UNK: variants seen among roughly 807,000 people sequenced by gnomAD.
UNK encodes unk zinc finger, also known as RING finger protein unkempt homolog.
Under a neutral mutation model 97.6 loss-of-function variants are expected in UNK, and 32 were observed. The ratio of observed to expected loss-of-function variants is 0.33; its 90% CI spans 0.25 to 0.44. UNK has a LOEUF of 0.44. Among genes scored for constraint, UNK ranks in the 20% least tolerant of loss-of-function variants. UNK has a pLI of 1.00. For missense variants in UNK, 771 were observed against 1,098.4 expected (o/e 0.70, Z 4.21); for synonymous variants, 441 against 461.2 (o/e 0.96, Z 0.56).
At chr17:75,794,918 T>G (rs2061792578) in intron 1 of UNK, among the ~76,000 whole-genome samples, 1 of 152,246 alleles carries the variant, frequency 6.6e-6, no homozygotes, top group South Asian at 2.1e-4. Context: ...CGCCATTATT[T>G]GAACAGGGCC....
At chr17:75,807,039 C>T (rs1199323227) in intron 1 of UNK, among the ~76,000 whole-genome samples, 1 of 152,192 alleles carries the variant, frequency 6.6e-6, no homozygotes, top group Non-Finnish European at 1.5e-5. Flanking sequence ...GACATGTCTG[C>T]CCCAAGTCAG....
chr17:75,823,148 G>C, intron 14 of UNK, 117 bp from the exon 15 acceptor site: 1 of 1,468,966 alleles, frequency 6.8e-7, no homozygotes, highest in Non-Finnish European at 9.1e-7. Flanking sequence ...TCCTCCCAGA[G>C]AGCCAACCCA....
chr17:75,790,963 A>C (rs2061759092), intron 1 of UNK, among the ~76,000 whole-genome samples: 1 of 152,160 alleles, frequency 6.6e-6, no homozygotes, highest in African/African-American at 2.4e-5. Context: ...AAATAAAAAT[A>C]AATAAATAAA....
At chr17:75,810,644 A>G (rs913447803) in intron 2 of UNK, among the ~76,000 whole-genome samples, 1 of 152,108 alleles carries the variant, frequency 6.6e-6, no homozygotes, top group Non-Finnish European at 1.5e-5. Context: ...CAGTGGCAGC[A>G]TCCTCGCTGC....
At chr17:75,794,927 C>T (rs2061792628) in intron 1 of UNK, among the ~76,000 whole-genome samples, 2 of 152,168 alleles carry the variant, frequency 1.3e-5, no homozygotes, top group Admixed American at 1.3e-4. Flanking sequence ...TTGAACAGGG[C>T]CCTAGTCACT....
chr17:75,802,509 G>T (rs752926703), intron 1 of UNK, among the ~76,000 whole-genome samples: 2 of 151,910 alleles, frequency 1.3e-5, no homozygotes, highest in Non-Finnish European at 2.9e-5. Flanking sequence ...TCCCACCTCC[G>T]CCTCCTGTGT....
Position 75,796,061 on chromosome 17 carries a change from C to T in UNK, c.104+11077C>T, listed in dbSNP as rs893295897. 3.3e-5 allele frequency among the ~76,000 whole-genome samples: 5 copies of T among 152,120 alleles called. 1 individual carries two copies. Among genetic ancestry groups the T allele is most frequent in the African/African-American group, 4.8e-5 (2 of 41,404 alleles). The stretch of plus-strand genomic sequence containing the variant: ...GCCCAGGTGCGGTAGGGAGTTTCAT[C>T]GCATCTAGGAGCTTCATAGTAGCCA... On this transcript the variant is annotated intron_variant, in intron 1 of 15. Coordinates refer to ENST00000589666, the MANE Select transcript of UNK (RefSeq NM_001080419.3).
At chr17:75,820,343 C>T (rs1046559261) in intron 13 of UNK, among the ~76,000 whole-genome samples, 3 of 152,236 alleles carry the variant, frequency 2.0e-5, no homozygotes, top group Non-Finnish European at 2.9e-5. Flanking sequence ...CACCTCCTAA[C>T]GTTGTGAGCA....
In UNK at chr17:75,784,929, C is replaced by T. The variant is rs963409416; in HGVS notation, c.49C>T (p.Pro17Ser). 5.1e-6 allele frequency: 8 copies of T among 1,554,866 alleles called. No homozygotes were observed. In the Admixed American group the frequency reaches 1.0e-4, roughly 20 times the overall value. Reference protein sequence around the residue: ...PGGSAASSAPPAATAQVLQAQ... With the variant: ...PGGSAASSAPSAATAQVLQAQ... Reference sequence around the variant, plus strand: ...CGGCTCCGCAGCTTCCTCGGCGCCCCCGGCCGCTACCGCTCAGGTGCTGCA... The same window carrying T: ...CGGCTCCGCAGCTTCCTCGGCGCCCTCGGCCGCTACCGCTCAGGTGCTGCA... Residue 17 changes from proline (P) to serine (S), a missense_variant, in exon 1 of 16, where the codon CCG becomes TCG. Coordinates refer to ENST00000589666, the MANE Select transcript of UNK (RefSeq NM_001080419.3).
chr17:75,817,731 C>T lies in UNK; in HGVS notation c.1305+205C>T, dbSNP rs1218743070. On this transcript the variant is annotated intron_variant, in intron 9 of 15. Transcript: ENST00000589666. The surrounding 1 kb of genome is among the most constrained non-coding windows in gnomAD (Gnocchi z 5.8). ...GAAGGCTGGGGAGGCTGCATAGCCTCCCCTGGGCTGCAGAGCTGGTTAGGA... is the reference window on the plus strand; with the variant it reads ...GAAGGCTGGGGAGGCTGCATAGCCTTCCCTGGGCTGCAGAGCTGGTTAGGA... Among the ~76,000 whole-genome samples the T allele has an allele frequency of 6.6e-6, 1 of 152,086 alleles. No homozygotes were observed. The highest frequency in any genetic ancestry group is 2.4e-5 in the African/African-American group (1 of 41,390).
intron 13 of UNK, chr17:75,821,852 A>G (rs1477278111): frequency 7.7e-6 from 3 of 391,850 alleles, no homozygotes; most frequent in East Asian, 1.4e-4. Context: ...CTGTGCACGC[A>G]GCATAGTTGA....
At position 75,822,558 on chromosome 17, in the gene UNK, C is replaced by T; in HGVS notation, c.1919C>T (p.Ser640Leu). Residue 640 changes from serine to leucine, a missense_variant, in exon 14 of 16, where the codon TCA becomes TTA. Coordinates refer to ENST00000589666, the MANE Select transcript of UNK (RefSeq NM_001080419.3). ...FSPGTSPAFL[S>L]GPGAAELARL... Reference sequence around the variant, plus strand: ...CCGGGCACTTCCCCCGCTTTCCTATCAGGGCCAGGGGCTGCCGAGCTGGCC... The same window carrying T: ...CCGGGCACTTCCCCCGCTTTCCTATTAGGGCCAGGGGCTGCCGAGCTGGCC... 6.2e-7 allele frequency: 1 copy of T among 1,613,558 alleles called. No homozygotes were observed. Among genetic ancestry groups the T allele is most frequent in the Non-Finnish European group, 8.5e-7 (1 of 1,179,820 alleles).
chr17:75,794,879 G>C (rs60851052), intron 1 of UNK, among the ~76,000 whole-genome samples: 14,489 of 152,248 alleles, frequency 0.095, 877 homozygotes, highest in Non-Finnish European at 0.13. Context: ...ACAGTGCTTG[G>C]CACTTAGCAC....
chr17:75,803,170 G>A (rs1223577141), intron 1 of UNK, among the ~76,000 whole-genome samples: 4 of 152,154 alleles, frequency 2.6e-5, no homozygotes, highest in African/African-American at 9.6e-5. Context: ...AGGCCAAGGC[G>A]GGCACATCAT....
At chr17:75,785,396 G>T (rs2143649719) in intron 1 of UNK, 2 of 163,108 alleles carry the variant, frequency 1.2e-5, no homozygotes, top group East Asian at 1.8e-4. Flanking sequence ...TGATTAACGT[G>T]AAGTCCTGTC....
chr17:75,810,913 G>A (rs1323528117), intron 2 of UNK, among the ~76,000 whole-genome samples: 1 of 151,616 alleles, frequency 6.6e-6, no homozygotes, highest in Non-Finnish European at 1.5e-5. Flanking sequence ...TGGAATTACA[G>A]GCAGGAGCCA....
At chr17:75,809,094 G>T (rs1482791216) in intron 1 of UNK, 1 of 147,850 alleles carries the variant, frequency 6.8e-6, no homozygotes, top group African/African-American at 2.5e-5. Flanking sequence ...CGGCGGGGGC[G>T]GGGGCGGGGG....
Position 75,823,456 on chromosome 17 carries a change from G to A in UNK, c.2211G>A (p.Ala737=), listed in dbSNP as rs372625164. 1.6e-5 allele frequency: 25 copies of A among 1,582,694 alleles called. No homozygotes were observed. The Middle Eastern group carries it at 5.0e-4, about 32-fold the overall frequency. The change falls in exon 15 of 16, where the codon GCG becomes GCA. Residue 737 remains alanine (A), a synonymous_variant. Transcript: ENST00000589666. The part of the protein sequence containing the change: ...QALPAFSDLE[A]LSLSTLYSLQ... ...TGCCCGCCTTCTCCGACCTGGAGGC[G>A]CTCTCACTCTCCACCCTCTACTCCC...
rs562592719 is a variant in UNK, at chr17:75,795,987, C to T, written c.104+11003C>T. Reference sequence around the variant, plus strand: ...TAAAACACTGACTTGCTTGAGTGCCCGTAGCACTTGAACTGTGGGTTGCTG... The same window carrying T: ...TAAAACACTGACTTGCTTGAGTGCCTGTAGCACTTGAACTGTGGGTTGCTG... On this transcript the variant is annotated intron_variant, in intron 1 of 15. Coordinates refer to ENST00000589666, the MANE Select transcript of UNK (RefSeq NM_001080419.3). Among the ~76,000 whole-genome samples the T allele has an allele frequency of 3.4e-4, 52 of 152,270 alleles. No homozygotes were observed. In the South Asian group the frequency reaches 3.9e-3, roughly 12 times the overall value.
Sources: gnomAD v4.1 joint callset for allele counts (sites outside exome capture counted in the v4.1 genomes callset) on GRCh38, gnomAD v4.1.1 for gene constraint, Gnocchi (gnomAD v3.1) non-coding constraint, MANE v1.5 for transcripts, NCBI Gene and HGNC (gene_info 2026-07-23, HGNC 2026-07-21) for gene names.